CTNNA2: variants seen among roughly 807,000 people sequenced by gnomAD.
CTNNA2 encodes catenin alpha-2.
In CTNNA2, 42 loss-of-function variants were observed where a neutral mutation model predicts 101.0. The observed-to-expected ratio is 0.42, with a 90% confidence interval of 0.32 to 0.54. The LOEUF (loss-of-function observed/expected upper bound fraction) is 0.54, where lower values mean the gene tolerates loss of function less well. Among genes scored for constraint, CTNNA2 ranks in the 20% least tolerant of loss-of-function variants. The pLI, the probability that CTNNA2 is intolerant of heterozygous loss-of-function variation, is 0.14. For missense variants in CTNNA2, 871 were observed against 1,223.1 expected (o/e 0.71, Z 4.29); for synonymous variants, 450 against 456.4 (o/e 0.99, Z 0.18).
intron 1 of CTNNA2, among the ~76,000 whole-genome samples, chr2:79,540,559 A>G (rs17764331): frequency 0.014 from 2,084 of 152,284 alleles, 37 homozygotes; most frequent in South Asian, 0.093. Context: ...AATCGTTTAC[A>G]TTACTGTTTC....
intron 3 of CTNNA2, among the ~76,000 whole-genome samples, chr2:79,814,066 CTCT>C (rs1298848765): frequency 6.6e-6 from 1 of 151,996 alleles, no homozygotes; most frequent in Non-Finnish European, 1.5e-5. Flanking sequence ...TGTGTCTGCC[CTCT>C]TCTTAAAAGG....
chr2:80,387,036 A>G (rs1316900580), intron 7 of CTNNA2, among the ~76,000 whole-genome samples: 1 of 152,046 alleles, frequency 6.6e-6, no homozygotes, highest in Non-Finnish European at 1.5e-5. Flanking sequence ...TTAAAGAAAT[A>G]CTCATTTTCT....
At chr2:80,209,295 A>G (rs1038555711) in intron 7 of CTNNA2, among the ~76,000 whole-genome samples, 3 of 149,458 alleles carry the variant, frequency 2.0e-5, no homozygotes, top group African/African-American at 7.4e-5. Context: ...TCCGCCTCCC[A>G]GGTTGGAGCG....
At position 80,574,288 on chromosome 2, in the gene CTNNA2, A is replaced by G. The variant is rs777429067; in HGVS notation, c.1867A>G (p.Ile623Val). ...SRLVYDGVRD[I>V]RKAVLMIRTP... Reference sequence around the variant, plus strand: ...CCTGGTGTATGATGGCGTTCGGGACATCAGAAAGGCTGTGCTGATGATCAG... The same window carrying G: ...CCTGGTGTATGATGGCGTTCGGGACGTCAGAAAGGCTGTGCTGATGATCAG... The change falls in exon 13 of 19, where the codon ATC (isoleucine) becomes GTC (valine). Residue 623 changes from isoleucine to valine, a missense_variant. Transcript: ENST00000402739. 7 of 1,612,842 alleles carry G rather than the reference A, an allele frequency of 4.3e-6. No homozygotes were observed. In the African/African-American group the frequency reaches 5.3e-5, roughly 12 times the overall value.
intron 7 of CTNNA2, among the ~76,000 whole-genome samples, chr2:79,973,259 G>A (rs538662929): frequency 2.0e-5 from 3 of 151,924 alleles, no homozygotes; most frequent in Non-Finnish European, 2.9e-5. Context: ...ATGTTAGCAC[G>A]TTTTTCATGC....
chr2:79,463,631 T>C lies in CTNNA2; in HGVS notation c.-134-41423T>C, dbSNP rs1439541775. Among the ~76,000 whole-genome samples the C allele has an allele frequency of 2.6e-5, 4 of 152,176 alleles. No homozygotes were observed. In the East Asian group the frequency reaches 7.7e-4, roughly 29 times the overall value. On this transcript the variant is annotated intron_variant, in intron 4 of 21. Transcript: ENST00000466387. Reference sequence around the variant, plus strand: ...TTGGCTCAACAATGTTGTAGAAAAATAGTGTGAAAACTACCTGATACCTTG... The same window carrying C: ...TTGGCTCAACAATGTTGTAGAAAAACAGTGTGAAAACTACCTGATACCTTG...
intron 4 of CTNNA2, among the ~76,000 whole-genome samples, chr2:79,376,174 G>C (rs1331045807): frequency 1.3e-5 from 2 of 152,136 alleles, no homozygotes; most frequent in Non-Finnish European, 2.9e-5. Flanking sequence ...AGTAGAGGAT[G>C]GGGAAGGCAG....
At chr2:79,466,730 G>T (rs1394793102) in intron 4 of CTNNA2, among the ~76,000 whole-genome samples, 1 of 152,224 alleles carries the variant, frequency 6.6e-6, no homozygotes, top group Non-Finnish European at 1.5e-5. Flanking sequence ...AATATTCACT[G>T]TACTGCAGCC....
intron 3 of CTNNA2, among the ~76,000 whole-genome samples, chr2:79,745,023 A>G (rs1341811529): frequency 6.6e-6 from 1 of 152,200 alleles, no homozygotes; most frequent in Non-Finnish European, 1.5e-5. Context: ...ATTTCCTCAC[A>G]AATGTAGCAA....
rs1377941938 is a variant in CTNNA2, at chr2:80,303,790, T to G, written c.1057-89421T>G. On this transcript the variant is annotated intron_variant, in intron 7 of 18. Transcript: ENST00000402739. The surrounding 1 kb of genome is among the most constrained non-coding windows in gnomAD (Gnocchi z 7.7). ...CCGAGGGCCTCCTCAGCAGCCAGTA[T>G]AGACAGAGACCGAGCAGCAGGAAAT... 9.1e-6 allele frequency: 14 copies of G among 1,535,316 alleles called. No homozygotes were observed. The South Asian group carries it at 1.7e-4, about 18-fold the overall frequency.
At chr2:79,804,621 G>C (rs1030558641) in intron 3 of CTNNA2, among the ~76,000 whole-genome samples, 6 of 151,944 alleles carry the variant, frequency 3.9e-5, no homozygotes, top group Non-Finnish European at 8.8e-5. Flanking sequence ...TGTGAGCATA[G>C]ATTATTCTAG....
chr2:79,193,030 T>C (rs1436554479), intron 1 of CTNNA2, among the ~76,000 whole-genome samples: 2 of 152,214 alleles, frequency 1.3e-5, no homozygotes. Context: ...CATTTCTTTA[T>C]ACTTCTACTA....
intron 18 of CTNNA2, among the ~76,000 whole-genome samples, chr2:80,639,760 G>A (rs1673264008): frequency 6.6e-6 from 1 of 152,118 alleles, no homozygotes; most frequent in South Asian, 2.1e-4. Context: ...CAATATGTCT[G>A]TAAAATCAGC....
chr2:79,948,916 T>C (rs1478396366), intron 7 of CTNNA2, among the ~76,000 whole-genome samples: 3 of 151,972 alleles, frequency 2.0e-5, no homozygotes, highest in Admixed American at 6.6e-5. Flanking sequence ...TGCAGTGAAC[T>C]GAGATTGTGC....
intron 1 of CTNNA2, among the ~76,000 whole-genome samples, chr2:79,606,955 T>C (rs1677933164): frequency 6.6e-6 from 1 of 152,152 alleles, no homozygotes; most frequent in African/African-American, 2.4e-5. Flanking sequence ...AACGATTACA[T>C]TGAACATAAC....
chr2:80,080,701 A>G (rs1431738497), intron 7 of CTNNA2, among the ~76,000 whole-genome samples: 1 of 152,162 alleles, frequency 6.6e-6, no homozygotes, highest in African/African-American at 2.4e-5. Flanking sequence ...GATCTTTCCT[A>G]TTTGTAGCAC....
chr2:79,997,333 G>A (rs1692623991), intron 7 of CTNNA2, among the ~76,000 whole-genome samples: 1 of 150,868 alleles, frequency 6.6e-6, no homozygotes, highest in South Asian at 2.1e-4. Flanking sequence ...GGGAGGGAGG[G>A]AAGGAAGGAA....
At chr2:80,561,827 A>ATTTTTTTTTTTT (rs368503035) in intron 12 of CTNNA2, among the ~76,000 whole-genome samples, 3 of 123,578 alleles carry the variant, frequency 2.4e-5, no homozygotes, top group African/African-American at 3.0e-5. Flanking sequence ...CGCCTGGCTA[A>ATTTTTTTTTTTT]TTTTTTTTTT....
chr2:79,602,481 T>A (rs886813271), intron 1 of CTNNA2, among the ~76,000 whole-genome samples: 2 of 152,176 alleles, frequency 1.3e-5, no homozygotes, highest in Non-Finnish European at 2.9e-5. Flanking sequence ...TATCAACTTA[T>A]TGTACTCATC....
Sources: gnomAD v4.1 joint callset for allele counts (sites outside exome capture counted in the v4.1 genomes callset) on GRCh38, gnomAD v4.1.1 for gene constraint, Gnocchi (gnomAD v3.1) non-coding constraint, MANE v1.5 for transcripts, NCBI Gene and HGNC (gene_info 2026-07-23, HGNC 2026-07-21) for gene names.